PLEKHH2: variants seen among roughly 807,000 people sequenced by gnomAD.
PLEKHH2 encodes the protein pleckstrin homology, MyTH4 and FERM domain containing H2.
PLEKHH2 carries 129 observed loss-of-function variants against 187.9 expected under a neutral mutation model. The observed-to-expected ratio is 0.69, with a 90% CI of 0.59 to 0.79. The LOEUF is 0.79. PLEKHH2 is among the 30% of genes least tolerant of loss of function. The pLI, the probability that PLEKHH2 is intolerant of heterozygous loss-of-function variation, is 0.00. For missense variants in PLEKHH2, 2,076 were observed against 1,751.2 expected (o/e 1.19, Z -3.31); for synonymous variants, 686 against 605.6 (o/e 1.13, Z -1.95).
intron 7 of PLEKHH2, among the ~76,000 whole-genome samples, chr2:43,698,582 A>G (rs767594408): frequency 9.2e-5 from 14 of 151,806 alleles, no homozygotes; most frequent in African/African-American, 2.4e-4. Flanking sequence ...TTGAGAAGCC[A>G]TTTTCATTTC....
At chr2:43,676,029 T>G (rs1319057548) in intron 2 of PLEKHH2, 5 of 1,613,924 alleles carry the variant, frequency 3.1e-6, no homozygotes, top group Non-Finnish European at 4.2e-6. Context: ...CGTAGAGCTC[T>G]GCTTTGTCAC....
At chr2:43,708,623 A>G (rs555072135) in intron 11 of PLEKHH2, among the ~76,000 whole-genome samples, 17 of 152,188 alleles carry the variant, frequency 1.1e-4, no homozygotes, top group Non-Finnish European at 1.8e-4. Context: ...CCTGTTTGTC[A>G]GTGGTCTCCT....
rs752009750 is a variant in PLEKHH2 at position 43,765,625 on chromosome 2, C to A, written c.*27C>A. The A allele has an allele frequency of 6.2e-7, 1 of 1,604,886 alleles. No homozygotes were observed. Among genetic ancestry groups the A allele is most frequent in the South Asian group, 1.1e-5 (1 of 89,624 alleles). ...AGCTGGGGAGCCTGAACATTCACTC[C>A]TTGTCCTCCATGCTGTGGCTGTATC... On this transcript the variant is annotated 3_prime_UTR_variant, in exon 30 of 30. Coordinates refer to ENST00000282406, the MANE Select transcript of PLEKHH2 (RefSeq NM_172069.4).
intron 17 of PLEKHH2, among the ~76,000 whole-genome samples, chr2:43,727,272 C>A (rs1056353776): frequency 6.6e-6 from 1 of 151,872 alleles, no homozygotes; most frequent in Non-Finnish European, 1.5e-5. Flanking sequence ...ATTAGCCAGG[C>A]GAGGTGGCGT....
At chr2:43,669,955 G>T (rs558650413) in intron 2 of PLEKHH2, among the ~76,000 whole-genome samples, 1 of 152,238 alleles carries the variant, frequency 6.6e-6, no homozygotes, top group African/African-American at 2.4e-5. Flanking sequence ...ACAAGGGAAT[G>T]AAACAAATAC....
chr2:43,717,176 G>C (rs1670254225), intron 15 of PLEKHH2, among the ~76,000 whole-genome samples: 1 of 152,156 alleles, frequency 6.6e-6, no homozygotes, highest in Non-Finnish European at 1.5e-5. Context: ...CCAGCACTTT[G>C]GGAGGCCAAG....
intron 2 of PLEKHH2, among the ~76,000 whole-genome samples, chr2:43,669,918 T>C (rs976023409): frequency 6.6e-6 from 1 of 151,954 alleles, no homozygotes; most frequent in Non-Finnish European, 1.5e-5. Context: ...AGATACAATA[T>C]ACAGATAAAA....
At position 43,697,490 on chromosome 2, in the gene PLEKHH2, AG is replaced by A. The variant is rs1313727469; in HGVS notation, c.688+135del. ...TGATGTTTTATGAGAATGTTTCTAAAGAGCAATACAACATTTAACTTTGTGT... is the reference window on the plus strand; with the variant it reads ...TGATGTTTTATGAGAATGTTTCTAAAAGCAATACAACATTTAACTTTGTGT... On this transcript the variant is annotated intron_variant, in intron 7 of 29. Transcript: ENST00000282406. The A allele has an allele frequency of 4.1e-6, 3 of 724,492 alleles. No homozygotes were observed. In the East Asian group the frequency reaches 8.7e-5, roughly 21 times the overall value. 44.9% of individuals were successfully genotyped at this position (724,492 alleles called of 1,614,324 possible).
chr2:43,638,056 T>A (rs1703197154), intron 1 of PLEKHH2, among the ~76,000 whole-genome samples: 1 of 152,152 alleles, frequency 6.6e-6, no homozygotes, highest in Non-Finnish European at 1.5e-5. Flanking sequence ...CTGCTTTCTT[T>A]GTGAAAATGC....
At chr2:43,703,865 T>C in intron 8 of PLEKHH2, 116 bp from the exon 9 acceptor site, 1 of 674,976 alleles carries the variant, frequency 1.5e-6, no homozygotes, top group South Asian at 2.0e-5. Context: ...TGCTGTACTC[T>C]AGTGAATCTT....
At chr2:43,679,407 TA>T (rs34103308) in intron 3 of PLEKHH2, 189,743 of 277,168 alleles carry the variant, frequency 0.68, 66,857 homozygotes, top group African/African-American at 0.8. Flanking sequence ...ACCTAAGAGT[TA>T]AAAAAAAAGG....
At chr2:43,637,917 G>C (rs1312239381) in intron 1 of PLEKHH2, among the ~76,000 whole-genome samples, 1 of 152,232 alleles carries the variant, frequency 6.6e-6, no homozygotes, top group East Asian at 1.9e-4. Context: ...CACTGTCCCC[G>C]AAGTTAGTGG....
chr2:43,655,216 C>T (rs1574484013), intron 2 of PLEKHH2, among the ~76,000 whole-genome samples: 4 of 151,536 alleles, frequency 2.6e-5, no homozygotes, highest in East Asian at 3.9e-4. Flanking sequence ...AATAAAGGCC[C>T]GCACAAATAC....
intron 6 of PLEKHH2, 81 bp downstream of exon 6, chr2:43,695,305 C>T (rs1376987595): frequency 4.0e-5 from 26 of 652,280 alleles, no homozygotes; most frequent in African/African-American, 2.8e-4. Flanking sequence ...TTTAAAGATG[C>T]GATTATGGAT....
intron 3 of PLEKHH2, among the ~76,000 whole-genome samples, chr2:43,685,469 C>T (rs905667545): frequency 1.3e-5 from 2 of 152,102 alleles, no homozygotes; most frequent in African/African-American, 4.8e-5. Flanking sequence ...GCTCTGTCAT[C>T]CAGGCTGGAG....
chr2:43,697,104 C>G (rs944349941), intron 6 of PLEKHH2, 67 bp from the exon 7 acceptor site: 7 of 1,332,414 alleles, frequency 5.3e-6, no homozygotes, highest in Admixed American at 2.4e-5. Context: ...TTTTATATGC[C>G]TTGGTTCTAT....
Position 43,710,313 on chromosome 2 carries a change from C to T in PLEKHH2, c.2197C>T (p.Leu733Phe). The T allele has an allele frequency of 9.9e-6, 16 of 1,613,650 alleles. No individual in the cohort carries two copies. The highest frequency in any genetic ancestry group is 1.4e-5 in the Non-Finnish European group (16 of 1,179,630). ...RWFVLKGGEL[L>F]YYKSPSDVIR... ...GTTTGTTCTTAAAGGTGGTGAATTA[C>T]TTTACTACAAATCTCCGGTGAGTGG... Residue 733 changes from leucine to phenylalanine, a missense_variant, in exon 13 of 30, where the codon CTT (leucine) becomes TTT (phenylalanine). Transcript: ENST00000282406.
chr2:43,645,952 C>T (rs1174355428), intron 2 of PLEKHH2, among the ~76,000 whole-genome samples: 1 of 152,072 alleles, frequency 6.6e-6, no homozygotes, highest in Non-Finnish European at 1.5e-5. Context: ...TCATTGCTAG[C>T]CAAGAATCTC....
intron 2 of PLEKHH2, among the ~76,000 whole-genome samples, chr2:43,672,904 A>C (rs79597364): frequency 0.018 from 2,809 of 152,294 alleles, 33 homozygotes; most frequent in African/African-American, 0.025. Context: ...TTCCATAAAA[A>C]CAGGCACACG....
Sources: gnomAD v4.1 joint callset for allele counts (sites outside exome capture counted in the v4.1 genomes callset) on GRCh38, gnomAD v4.1.1 for gene constraint, MANE v1.5 for transcripts, NCBI Gene and HGNC (gene_info 2026-07-23, HGNC 2026-07-21) for gene names.